EEF2K: variants seen among roughly 807,000 people sequenced by gnomAD.
EEF2K encodes eukaryotic elongation factor 2 kinase.
Under a neutral mutation model 93.8 loss-of-function variants are expected in EEF2K, and 70 were observed. The ratio of observed to expected loss-of-function variants is 0.75; its 90% confidence interval spans 0.62 to 0.91. The LOEUF is 0.91. EEF2K is among the 40% of genes least tolerant of loss of function. The pLI is 0.00. For synonymous variants in EEF2K, 376 were observed against 380.8 expected (o/e 0.99, Z 0.15); for missense variants, 935 against 972.9 (o/e 0.96, Z 0.52).
intron 15 of EEF2K, among the ~76,000 whole-genome samples, chr16:22,267,301 T>C (rs185817772): frequency 1.6e-3 from 236 of 152,080 alleles, no homozygotes; most frequent in Non-Finnish European, 2.6e-3. Context: ...GATGAAGGGA[T>C]ACCTACCTCA....
chr16:22,227,027 C>T (rs1329848531), intron 2 of EEF2K, among the ~76,000 whole-genome samples: 1 of 152,004 alleles, frequency 6.6e-6, no homozygotes, highest in Non-Finnish European at 1.5e-5. Flanking sequence ...GGTGAAACTC[C>T]ATCTCTACTA....
At chr16:22,238,544 G>A (rs2047190781) in intron 2 of EEF2K, among the ~76,000 whole-genome samples, 1 of 151,656 alleles carries the variant, frequency 6.6e-6, no homozygotes, top group Non-Finnish European at 1.5e-5. Context: ...TACCTGGGAG[G>A]CTGAGTTGAG....
chr16:22,249,527 C>T (rs1163006834), intron 4 of EEF2K, among the ~76,000 whole-genome samples: 2 of 152,166 alleles, frequency 1.3e-5, no homozygotes, highest in Admixed American at 6.5e-5. Flanking sequence ...CCCATACCCA[C>T]AGGGTAAGCA....
intron 4 of EEF2K, 133 bp downstream of exon 4, chr16:22,248,948 G>A (rs1232844624): frequency 2.9e-6 from 2 of 678,214 alleles, no homozygotes; most frequent in Admixed American, 3.4e-5. Context: ...CTTTGTTATT[G>A]TTTATTTATT....
intron 2 of EEF2K, among the ~76,000 whole-genome samples, chr16:22,244,357 G>A (rs1036736850): frequency 2.0e-5 from 3 of 151,570 alleles, no homozygotes; most frequent in African/African-American, 7.3e-5. Flanking sequence ...CAACCTGAAT[G>A]GGGGAATGGT....
chr16:22,207,224 G>A (rs1398539074), intron 1 of EEF2K, among the ~76,000 whole-genome samples: 1 of 152,168 alleles, frequency 6.6e-6, no homozygotes, highest in South Asian at 2.1e-4. Context: ...CGGGGGTGGG[G>A]GCCTCCCGGG....
intron 2 of EEF2K, among the ~76,000 whole-genome samples, chr16:22,230,764 T>C (rs1041610718): frequency 6.6e-6 from 1 of 152,170 alleles, no homozygotes; most frequent in Non-Finnish European, 1.5e-5. Context: ...GATGATTCTA[T>C]GTGATTTGAC....
Position 22,280,198 on chromosome 16 carries a change from G to T in EEF2K, c.1890G>T (p.Arg630Ser), listed in dbSNP as rs758507101. 1.3e-6 allele frequency: 2 copies of T among 1,493,662 alleles called. No individual in the cohort carries two copies. The highest frequency in any genetic ancestry group is 2.2e-5 in the Admixed American group (1 of 45,552). The allele number at this position is 1,493,662 out of a possible 1,614,324, so 92.5% of individuals were successfully genotyped here. The change falls in exon 17 of 18, where the codon AGG becomes AGT. Residue 630 changes from arginine to serine, a missense_variant and splice_region_variant. Arg to Ser is a moderately radical substitution (Grantham distance 110, BLOSUM62 -1). Coordinates refer to ENST00000263026, the MANE Select transcript of EEF2K (RefSeq NM_013302.5). ...CTTTCCCTCTGTATCTCCTGGCAAG[G>T]TGCCAAGACTGGCTAGAGGCCCTGC... Reference protein sequence around the residue: ...FDSGQNLSPDRCQDWLEALHW... With the variant: ...FDSGQNLSPDSCQDWLEALHW...
At chr16:22,256,372 A>G (rs919249973) in intron 6 of EEF2K, among the ~76,000 whole-genome samples, 1 of 152,062 alleles carries the variant, frequency 6.6e-6, no homozygotes, top group Non-Finnish European at 1.5e-5. Context: ...GGCTGGGATT[A>G]CAGGTGTGAG....
Position 22,284,020 on chromosome 16 carries a change from T to G in EEF2K, c.*24T>G, listed in dbSNP as rs886429268. On this transcript the variant is annotated 3_prime_UTR_variant, in exon 18 of 18. Transcript: ENST00000263026. ...AACCAGGAAAATCACTGCCGGCTAG[T>G]CCCAAGCAAACGGGCTAGGAGGAAA... 1 of 1,550,336 alleles carries G rather than the reference T, an allele frequency of 6.5e-7. No homozygotes were observed. Among genetic ancestry groups the G allele is most frequent in the Non-Finnish European group, 8.7e-7 (1 of 1,143,442 alleles).
chr16:22,260,550 G>T (rs375373332), intron 11 of EEF2K, 21 bp downstream of exon 11: 25 of 1,613,934 alleles, frequency 1.5e-5, no homozygotes, highest in Non-Finnish European at 2.0e-5. Context: ...AGGGAGGGAG[G>T]CTGCAGGCTT....
At chr16:22,226,325 CTTTTTTTTTTTTTTT>C (rs935058417) in intron 2 of EEF2K, among the ~76,000 whole-genome samples, 1 of 63,668 alleles carries the variant, frequency 1.6e-5, no homozygotes, top group Non-Finnish European at 3.2e-5. Context: ...AGGTGCTGTT[CTTTTTTTTTTTTTTT>C]TTTTTTTTTT....
intron 11 of EEF2K, among the ~76,000 whole-genome samples, chr16:22,261,099 A>G (rs1309050051): frequency 1.3e-5 from 2 of 152,188 alleles, no homozygotes; most frequent in African/African-American, 4.8e-5. Context: ...TTGGCCAGGC[A>G]TGGTAGCTCA....
chr16:22,237,652 C>T (rs992006918), intron 2 of EEF2K, among the ~76,000 whole-genome samples: 1 of 151,732 alleles, frequency 6.6e-6, no homozygotes. Context: ...CTCGTCTAAC[C>T]CAGTAATTTT....
intron 15 of EEF2K, 53 bp from the exon 16 acceptor site, chr16:22,273,573 C>T (rs776762897): frequency 1.8e-4 from 282 of 1,597,178 alleles, no homozygotes; most frequent in Non-Finnish European, 2.2e-4. Context: ...TGGCAGCCCT[C>T]GAGTGTAAGC....
At chr16:22,256,933 C>A in intron 7 of EEF2K, 36 bp downstream of exon 7, 2 of 1,610,516 alleles carry the variant, frequency 1.2e-6, no homozygotes, top group Admixed American at 1.7e-5. Context: ...CTGCCCACCA[C>A]AGCCCTTGGG....
At chr16:22,272,231 A>T (rs937400131) in intron 15 of EEF2K, among the ~76,000 whole-genome samples, 1 of 152,226 alleles carries the variant, frequency 6.6e-6, no homozygotes, top group Admixed American at 6.6e-5. Flanking sequence ...TTGTACACAA[A>T]TCTTCATAGC....
In EEF2K at chr16:22,266,864, T is replaced by A. The variant is rs530115617; in HGVS notation, c.1752T>A (p.Asp584Glu). The part of the protein sequence containing the change: ...YSQLPHHILA[D>E]VSLKETEENK... The stretch of plus-strand genomic sequence containing the variant: ...AGTTGCCTCATCACATCCTAGCCGA[T>A]GTCTCTCTGAAGGTGAGCAGGTGGC... Residue 584 changes from aspartate to glutamate, a missense_variant, in exon 15 of 18, where the codon GAT (aspartate) becomes GAA (glutamate). Physicochemically the swap from Asp to Glu is conservative, Grantham distance 45. Transcript: ENST00000263026. 2 of 1,610,272 alleles carry A rather than the reference T, an allele frequency of 1.2e-6. No homozygotes were observed. The highest frequency in any genetic ancestry group is 1.7e-6 in the Non-Finnish European group (2 of 1,177,558).
At chr16:22,211,111 G>A (rs1421125778) in intron 1 of EEF2K, among the ~76,000 whole-genome samples, 1 of 152,222 alleles carries the variant, frequency 6.6e-6, no homozygotes, top group Non-Finnish European at 1.5e-5. Context: ...GATTCCTGGA[G>A]GAAAGCCAGC....
Sources: gnomAD v4.1 joint callset for allele counts (sites outside exome capture counted in the v4.1 genomes callset) on GRCh38, gnomAD v4.1.1 for gene constraint, MANE v1.5 for transcripts, NCBI Gene and HGNC (gene_info 2026-07-23, HGNC 2026-07-21) for gene names.